Variants in DMD observed in about 807,000 individuals in gnomAD.
DMD encodes dystrophin.
A neutral mutation model predicts 330.1 loss-of-function variants in DMD; 63 were observed. That is an observed-to-expected ratio of 0.19 (90% CI 0.16 to 0.24). DMD has a LOEUF of 0.24. DMD is among the 10% of genes least tolerant of loss of function. The pLI, the probability that DMD is intolerant of heterozygous loss-of-function variation, is 1.00. For synonymous variants in DMD, 1,223 were observed against 959.8 expected (o/e 1.27, Z -5.07); for missense variants, 3,344 against 2,684.1 (o/e 1.25, Z -5.43).
At chrX:33,045,821 G>A (rs2094373461) in intron 1 of DMD, among the ~76,000 whole-genome samples, 1 of 111,699 alleles carries the variant, frequency 9.0e-6, no homozygotes, top group Non-Finnish European at 1.9e-5. Flanking sequence ...AGCCTCACAG[G>A]GGTCTGAGCA....
intron 1 of DMD, among the ~76,000 whole-genome samples, chrX:33,081,007 C>CACACAA (rs1441153335): frequency 1.0e-5 from 1 of 97,999 alleles, no homozygotes; most frequent in African/African-American, 4.1e-5. Context: ...CACACACACA[C>CACACAA]AAAAACACAT....
intron 60 of DMD, among the ~76,000 whole-genome samples, chrX:31,353,723 G>A (rs1263195806): frequency 9.0e-6 from 1 of 111,675 alleles, no homozygotes; most frequent in African/African-American, 3.3e-5. Context: ...AACTGGAGAT[G>A]TCATGTATAG....
At chrX:31,449,799 G>T (rs7880651) in intron 59 of DMD, among the ~76,000 whole-genome samples, 2,031 of 65,684 alleles carry the variant, frequency 0.031, 42 homozygotes, top group Non-Finnish European at 0.048. Flanking sequence ...TATATATATA[G>T]ATAGATAGAT....
At chrX:33,201,908 A>G (rs1236112094) in intron 1 of DMD, among the ~76,000 whole-genome samples, 4 of 112,204 alleles carry the variant, frequency 3.6e-5, no homozygotes, top group Non-Finnish European at 1.9e-5. Flanking sequence ...CAAACAAACC[A>G]GGGCTGCATT....
chrX:32,465,590 T>TTC (rs1569563845), intron 23 of DMD, among the ~76,000 whole-genome samples: 136 of 96,137 alleles, frequency 1.4e-3, no homozygotes, highest in African/African-American at 5.0e-3. Flanking sequence ...TTGTTTTTTT[T>TTC]TTTTTTTTTT....
intron 48 of DMD, among the ~76,000 whole-genome samples, chrX:31,841,134 A>G (rs1277279061): frequency 8.9e-6 from 1 of 112,024 alleles, no homozygotes; most frequent in Non-Finnish European, 1.9e-5. Flanking sequence ...GAACATGCAA[A>G]TGATAACAAA....
intron 44 of DMD, among the ~76,000 whole-genome samples, chrX:32,195,470 C>T (rs1260736643): frequency 2.7e-5 from 3 of 112,137 alleles, no homozygotes; most frequent in Non-Finnish European, 3.8e-5. Flanking sequence ...ACATACCTAC[C>T]TCCGAGGAAT....
intron 2 of DMD, among the ~76,000 whole-genome samples, chrX:32,853,262 T>C (rs532267048): frequency 5.4e-5 from 6 of 111,751 alleles, no homozygotes; most frequent in African/African-American, 2.0e-4. Context: ...AGAAAAACCA[T>C]CTGAAGGCAC....
At chrX:32,718,543 A>T (rs1489020281) in intron 7 of DMD, among the ~76,000 whole-genome samples, 1 of 111,839 alleles carries the variant, frequency 8.9e-6, no homozygotes, top group Admixed American at 9.5e-5. Flanking sequence ...GGACTAATAC[A>T]CATATCAAGA....
At chrX:31,445,695 G>A (rs778947878) in intron 59 of DMD, among the ~76,000 whole-genome samples, 2 of 111,336 alleles carry the variant, frequency 1.8e-5, no homozygotes, top group Non-Finnish European at 3.8e-5. Flanking sequence ...GAAGGCTCCC[G>A]TGGGGCTTCT....
At chrX:33,115,844 T>C (rs1428981313) in intron 1 of DMD, among the ~76,000 whole-genome samples, 1 of 110,580 alleles carries the variant, frequency 9.0e-6, no homozygotes, top group Admixed American at 9.7e-5. Context: ...GTATTACTTA[T>C]ACAATATTTA....
At position 31,286,000 on chromosome X, in the gene DMD, T is replaced by C. The variant is rs770652021; in HGVS notation, c.9225-24984A>G. Among the ~76,000 whole-genome samples the C allele has an allele frequency of 6.2e-5, 7 of 112,343 alleles. No individual in the cohort carries two copies. In the South Asian group the frequency reaches 1.1e-3, roughly 18 times the overall value. ...AAGAACAGCTGGACAAGAACACTTA[T>C]ATAAAATTAGCCTTTAGAAGCATAA... On this transcript the variant is annotated intron_variant, in intron 62 of 78. Transcript: ENST00000357033.
intron 48 of DMD, among the ~76,000 whole-genome samples, chrX:31,871,363 A>T (rs141248627): frequency 9.0e-6 from 1 of 111,539 alleles, no homozygotes; most frequent in African/African-American, 3.3e-5. Context: ...ACTCCAGCAT[A>T]AACAATGTAT....
chrX:32,696,747 C>G (rs2063685229), intron 9 of DMD, among the ~76,000 whole-genome samples: 3 of 110,818 alleles, frequency 2.7e-5, no homozygotes, highest in African/African-American at 9.8e-5. Context: ...GGAGGTGGCA[C>G]TTATTCCTTA....
chrX:32,345,496 A>G (rs1387989050), intron 39 of DMD, among the ~76,000 whole-genome samples: 2 of 111,655 alleles, frequency 1.8e-5, no homozygotes, highest in African/African-American at 3.2e-5. Flanking sequence ...TTAAAAATAA[A>G]TAAAAGAATC....
At chrX:31,465,448 A>G (rs924141952) in intron 59 of DMD, among the ~76,000 whole-genome samples, 2 of 110,880 alleles carry the variant, frequency 1.8e-5, no homozygotes, top group African/African-American at 6.6e-5. Context: ...GAGTGAGAAC[A>G]TGCGGTGCCT....
chrX:32,718,737 A>G (rs1380476661), intron 7 of DMD, among the ~76,000 whole-genome samples: 1 of 112,148 alleles, frequency 8.9e-6, no homozygotes, highest in East Asian at 2.8e-4. Flanking sequence ...GCATTTTATT[A>G]TTAATATAAA....
At position 32,931,642 on chromosome X, in the gene DMD, C is replaced by T. The variant is rs182240688; in HGVS notation, c.94-81822G>A. Among the ~76,000 whole-genome samples, 812 of 111,142 alleles carry T rather than the reference C, an allele frequency of 7.3e-3. 36 individuals are homozygous for T. Among genetic ancestry groups the T allele is most frequent in the Admixed American group, 0.066 (688 of 10,419 alleles). On this transcript the variant is annotated intron_variant, in intron 2 of 78. Transcript: ENST00000357033. ...ATAGTCACACACATATACTCACATG[C>T]TAACGTATCAATTGATTTAAAGTTA...
Position 32,545,351 on chromosome X carries a change from AAC to A in DMD, c.1993-19_1993-18del, listed in dbSNP as rs1272182988. On this transcript the variant is annotated intron_variant, in intron 16 of 78. Transcript: ENST00000357033. ...CTGTGAAATCTGTGAGAAGTATTGA[AAC>A]AGAGGTCAGACATTGCTAGAAAGAC... 1 of 1,205,026 alleles carries A rather than the reference AAC, an allele frequency of 8.3e-7. No individual in the cohort carries two copies. Among genetic ancestry groups the A allele is most frequent in the Non-Finnish European group, 1.1e-6 (1 of 889,918 alleles).
Sources: allele counts gnomAD v4.1 joint callset (sites outside exome capture counted in the v4.1 genomes callset), GRCh38; gene constraint gnomAD v4.1.1; transcripts MANE v1.5; gene names NCBI Gene and HGNC (gene_info 2026-07-23, HGNC 2026-07-21).